SEMA6A: variants seen among roughly 807,000 people sequenced by gnomAD.
The protein encoded by SEMA6A is semaphorin-6A.
In SEMA6A, 25 loss-of-function variants were observed where a neutral mutation model predicts 96.8. The observed-to-expected ratio is 0.26, with a 90% CI of 0.19 to 0.36. The LOEUF (loss-of-function observed/expected upper bound fraction) is 0.36, where lower values mean the gene tolerates loss of function less well. Among genes scored for constraint, SEMA6A ranks in the 10% least tolerant of loss-of-function variants. The pLI is 1.00. For missense variants in SEMA6A, 1,363 were observed against 1,323.1 expected, an observed-to-expected ratio of 1.03 and a Z score of -0.47; for synonymous variants, 612 against 518.0, an observed-to-expected ratio of 1.18 and a Z score of -2.46.
Position 116,574,215 on chromosome 5 carries a change from G to C in SEMA6A, c.-69C>G, listed in dbSNP as rs1359630804. The C allele has an allele frequency of 6.6e-6, 1 of 152,404 alleles. No homozygotes were observed. The highest frequency in any genetic ancestry group is 1.5e-5 in the Non-Finnish European group (1 of 67,984). 9.4% of individuals were successfully genotyped at this position (152,404 alleles called of 1,614,324 possible). A position where few individuals can be genotyped will look rare whatever the true frequency, so the allele number is the denominator to read the frequency against. On this transcript the variant is annotated 5_prime_UTR_variant, in exon 1 of 19. Coordinates refer to ENST00000343348, the MANE Select transcript of SEMA6A (RefSeq NM_020796.5). The stretch of plus-strand genomic sequence containing the variant: ...CGGTGCATCGACGGACAGGCGGCCG[G>C]GGCTCGGAGCGAACTGGTACAGCGT...
chr5:116,503,162 C>T (rs1175661278), intron 2 of SEMA6A, among the ~76,000 whole-genome samples: 1 of 152,246 alleles, frequency 6.6e-6, no homozygotes, highest in African/African-American at 2.4e-5. Flanking sequence ...TCCAGACAAA[C>T]TCAGGAGGAA....
At chr5:116,533,971 C>T (rs1189052113) in intron 1 of SEMA6A, among the ~76,000 whole-genome samples, 3 of 152,184 alleles carry the variant, frequency 2.0e-5, no homozygotes, top group African/African-American at 7.2e-5. Context: ...CTGATACTCC[C>T]TAAATATGCC....
intron 7 of SEMA6A, among the ~76,000 whole-genome samples, chr5:116,489,407 G>A (rs1003190119): frequency 6.6e-6 from 1 of 152,054 alleles, no homozygotes. Flanking sequence ...AAAGATAGAT[G>A]CTGATTGTGT....
rs115168172 is a variant in SEMA6A at position 116,514,768 on chromosome 5, C to A, written c.-38-9786G>T. On this transcript the variant is annotated intron_variant, in intron 1 of 18. Transcript: ENST00000343348. Reference sequence around the variant, plus strand: ...GTTCATTACTACCACTGCCTGATTTCCATCTTACCAACTCCCTGTTTTCTA... The same window carrying A: ...GTTCATTACTACCACTGCCTGATTTACATCTTACCAACTCCCTGTTTTCTA... Among the ~76,000 whole-genome samples, 411 of 152,304 alleles carry A rather than the reference C, an allele frequency of 2.7e-3. 2 individuals carry two copies. The highest frequency in any genetic ancestry group is 9.1e-3 in the African/African-American group (379 of 41,562).
chr5:116,504,249 A>T (rs1028219965), intron 2 of SEMA6A, among the ~76,000 whole-genome samples: 1 of 152,224 alleles, frequency 6.6e-6, no homozygotes, highest in African/African-American at 2.4e-5. Context: ...TCCATCCAAC[A>T]CATAGGCAGG....
chr5:116,564,271 G>GA (rs1199725224), intron 1 of SEMA6A, among the ~76,000 whole-genome samples: 1 of 151,928 alleles, frequency 6.6e-6, no homozygotes, highest in African/African-American at 2.4e-5. Context: ...TAGTAAAAAG[G>GA]AAAAAAATGA....
chr5:116,559,864 AACTC>A (rs1760752534), intron 1 of SEMA6A, among the ~76,000 whole-genome samples: 1 of 152,006 alleles, frequency 6.6e-6, no homozygotes, highest in African/African-American at 2.4e-5. Context: ...TTCCTTTTTC[AACTC>A]ACAGTCCTAG....
intron 17 of SEMA6A, chr5:116,472,690 A>C: frequency 2.0e-6 from 1 of 496,486 alleles, no homozygotes; most frequent in Non-Finnish European, 3.5e-6. Flanking sequence ...TTTAGGACTC[A>C]GTCTCCCACA....
intron 1 of SEMA6A, among the ~76,000 whole-genome samples, chr5:116,526,552 TA>T (rs1409795070): frequency 2.0e-5 from 3 of 152,190 alleles, no homozygotes; most frequent in African/African-American, 4.8e-5. Context: ...TAGACAGGTA[TA>T]CCAATAAAAA....
intron 1 of SEMA6A, among the ~76,000 whole-genome samples, chr5:116,551,183 G>A (rs1375315559): frequency 6.6e-6 from 1 of 152,064 alleles, no homozygotes; most frequent in Non-Finnish European, 1.5e-5. Flanking sequence ...ATCTGAAGGG[G>A]AAAAGCAGAG....
intron 9 of SEMA6A, 64 bp from the exon 10 acceptor site, chr5:116,487,030 ATC>A: frequency 8.6e-7 from 1 of 1,166,324 alleles, no homozygotes; most frequent in South Asian, 1.3e-5. Flanking sequence ...TCTTAGTAGA[ATC>A]TGCATTCCTT....
chr5:116,453,753 G>T (rs930785683), intron 18 of SEMA6A, among the ~76,000 whole-genome samples: 1 of 152,126 alleles, frequency 6.6e-6, no homozygotes, highest in Non-Finnish European at 1.5e-5. Context: ...TGCATCAAAA[G>T]CACAGCTAGT....
intron 1 of SEMA6A, among the ~76,000 whole-genome samples, chr5:116,539,978 G>C (rs1759889050): frequency 6.6e-6 from 1 of 152,004 alleles, no homozygotes; most frequent in Non-Finnish European, 1.5e-5. Flanking sequence ...AAATGTACTT[G>C]GGAATTTTCT....
At chr5:116,551,374 T>C (rs911962322) in intron 1 of SEMA6A, among the ~76,000 whole-genome samples, 2 of 150,384 alleles carry the variant, frequency 1.3e-5, no homozygotes, top group African/African-American at 4.9e-5. Flanking sequence ...GCTCATCCTC[T>C]ATCAGCAGAA....
intron 1 of SEMA6A, among the ~76,000 whole-genome samples, chr5:116,563,630 T>C (rs975169494): frequency 6.6e-6 from 1 of 152,270 alleles, no homozygotes; most frequent in Non-Finnish European, 1.5e-5. Flanking sequence ...TTTCTTAAGC[T>C]ACGTGTGCAA....
chr5:116,523,212 G>A (rs75773549), intron 1 of SEMA6A, among the ~76,000 whole-genome samples: 6,331 of 152,240 alleles, frequency 0.042, 479 homozygotes, highest in African/African-American at 0.15. Flanking sequence ...CTTCTCCTCA[G>A]AGCTGAGTCT....
chr5:116,560,654 C>G (rs998811568), intron 1 of SEMA6A, among the ~76,000 whole-genome samples: 1 of 151,984 alleles, frequency 6.6e-6, no homozygotes, highest in Non-Finnish European at 1.5e-5. Context: ...CCAGTTCTAC[C>G]CTGCGCCAGG....
chr5:116,563,006 A>T, intron 1 of SEMA6A: 1 of 545,676 alleles, frequency 1.8e-6, no homozygotes, highest in Admixed American at 2.1e-5. Context: ...CGTGGTCGCC[A>T]TCTGTGAACA....
intron 1 of SEMA6A, among the ~76,000 whole-genome samples, chr5:116,571,971 TC>T (rs1761232535): frequency 6.6e-6 from 1 of 152,122 alleles, no homozygotes; most frequent in Non-Finnish European, 1.5e-5. Flanking sequence ...AAACCACCAG[TC>T]CTCCCCGCCA....
Sources: gnomAD v4.1 joint callset for allele counts (sites outside exome capture counted in the v4.1 genomes callset) on GRCh38, gnomAD v4.1.1 for gene constraint, MANE v1.5 for transcripts, NCBI Gene and HGNC (gene_info 2026-07-23, HGNC 2026-07-21) for gene names.